Variants in PIK3R3 observed in about 807,000 individuals in gnomAD.
The protein encoded by PIK3R3 is phosphoinositide-3-kinase regulatory subunit 3, also known as phosphatidylinositol 3-kinase regulatory subunit gamma.
Under a neutral mutation model 62.9 loss-of-function variants are expected in PIK3R3, and 64 were observed. That is an observed-to-expected ratio of 1.02 (90% CI 0.83 to 1.25). PIK3R3 has a LOEUF of 1.25. Ranked by LOEUF, PIK3R3 falls within the 50% of genes most tolerant of loss-of-function variation. The pLI is 0.00. For synonymous variants in PIK3R3, 165 were observed against 189.0 expected (o/e 0.87, Z 1.04); for missense variants, 614 against 561.6 (o/e 1.09, Z -0.94).
At chr1:46,119,690 C>T (rs780702896) in intron 1 of PIK3R3, among the ~76,000 whole-genome samples, 131 of 151,788 alleles carry the variant, frequency 8.6e-4, no homozygotes, top group Non-Finnish European at 1.5e-3. Context: ...GGCTGATCTC[C>T]AACTCTTGGT....
chr1:46,068,265 T>C (rs1649186292), intron 3 of PIK3R3, among the ~76,000 whole-genome samples: 1 of 152,218 alleles, frequency 6.6e-6, no homozygotes, highest in Non-Finnish European at 1.5e-5. Flanking sequence ...CAAGCTGGCC[T>C]CTCTGTTAAA....
At chr1:46,126,606 C>T (rs72677553) in intron 1 of PIK3R3, among the ~76,000 whole-genome samples, 31,104 of 151,054 alleles carry the variant, frequency 0.21, 3,660 homozygotes, top group Non-Finnish European at 0.26. Context: ...CCATTCTTCC[C>T]ACTAACTCTT....
In PIK3R3 at chr1:46,080,746, A is replaced by G; in HGVS notation, c.111T>C (p.Leu37=). ...TCATTGGCTTAGGTGGCTTTGGTGG[A>G]AGAGCTAGAAGAGAAATGAATATTA... ...IFYIEMDPPA[L]PPKPPKPMTS... Residue 37 remains leucine, a synonymous_variant, in exon 2 of 10, where the codon CTT becomes CTC. Transcript: ENST00000262741. 1 of 1,595,984 alleles carries G rather than the reference A, an allele frequency of 6.3e-7. No homozygotes were observed. The highest frequency in any genetic ancestry group is 1.1e-5 in the South Asian group (1 of 90,688).
chr1:46,072,977 ATT>A (rs1199601548), intron 3 of PIK3R3, among the ~76,000 whole-genome samples: 3 of 139,374 alleles, frequency 2.2e-5, no homozygotes, highest in African/African-American at 5.3e-5. Context: ...ATATATATAT[ATT>A]AGGCATCCAT....
At chr1:46,150,831 A>G in the PIK3R3 span, among the ~76,000 whole-genome samples, 22 of 128,188 alleles carry the variant, frequency 1.7e-4, no homozygotes, top group African/African-American at 5.9e-4. Flanking sequence ...TTTTTGAGAC[A>G]GAGTTTTGTT....
the PIK3R3 span, among the ~76,000 whole-genome samples, chr1:46,163,395 G>A: frequency 6.6e-6 from 1 of 152,238 alleles, no homozygotes; most frequent in Non-Finnish European, 1.5e-5. Flanking sequence ...GCCAGAGACT[G>A]AGGTAGAAGT....
intron 1 of PIK3R3, among the ~76,000 whole-genome samples, chr1:46,118,609 G>A (rs1206278564): frequency 7.2e-6 from 1 of 138,768 alleles, no homozygotes; most frequent in Non-Finnish European, 1.5e-5. Flanking sequence ...AGGCTGGAAT[G>A]CAGTGGCACG....
At chr1:46,147,807 G>A in the PIK3R3 span, among the ~76,000 whole-genome samples, 5 of 152,052 alleles carry the variant, frequency 3.3e-5, no homozygotes, top group Non-Finnish European at 5.9e-5. Context: ...TCGCTCTTCC[G>A]CACTTTTCTA....
intron 1 of PIK3R3, among the ~76,000 whole-genome samples, chr1:46,097,769 A>T (rs1216829683): frequency 6.6e-6 from 1 of 151,880 alleles, no homozygotes; most frequent in Non-Finnish European, 1.5e-5. Flanking sequence ...GACGCCTGTA[A>T]TCCCAGCTAC....
At chr1:46,157,374 G>A in the PIK3R3 span, among the ~76,000 whole-genome samples, 3 of 152,100 alleles carry the variant, frequency 2.0e-5, no homozygotes, top group African/African-American at 7.2e-5. Flanking sequence ...CTCAAGCAAC[G>A]TGCCCACCTC....
At chr1:46,053,943 A>G (rs1216136753) in intron 7 of PIK3R3, among the ~76,000 whole-genome samples, 1 of 152,114 alleles carries the variant, frequency 6.6e-6, no homozygotes, top group Non-Finnish European at 1.5e-5. Context: ...CCATTTACAG[A>G]TAAGAGCACC....
intron 1 of PIK3R3, among the ~76,000 whole-genome samples, chr1:46,113,125 T>A (rs1165427369): frequency 6.6e-6 from 1 of 152,052 alleles, no homozygotes; most frequent in Non-Finnish European, 1.5e-5. Context: ...TCTCCTCCAA[T>A]CTATTTTTTA....
chr1:46,128,850 G>A (rs1179503193), intron 1 of PIK3R3, among the ~76,000 whole-genome samples: 4 of 152,192 alleles, frequency 2.6e-5, no homozygotes, highest in African/African-American at 7.2e-5. Flanking sequence ...GGAGGCCGAG[G>A]CAGGCAGATC....
At chr1:46,101,830 T>C (rs1033392781) in intron 1 of PIK3R3, among the ~76,000 whole-genome samples, 1 of 152,202 alleles carries the variant, frequency 6.6e-6, no homozygotes, top group Non-Finnish European at 1.5e-5. Context: ...AGTTTCTATA[T>C]GGAAGATGAA....
chr1:46,047,054 CA>C (rs1326444665), intron 7 of PIK3R3: 1 of 162,634 alleles, frequency 6.1e-6, no homozygotes, highest in Admixed American at 6.4e-5. Context: ...CTAAAAACTT[CA>C]AGATCTATTT....
At chr1:46,077,711 G>A (rs577783670) in intron 2 of PIK3R3, 98 bp from the exon 3 acceptor site, 28 of 717,108 alleles carry the variant, frequency 3.9e-5, no homozygotes, top group South Asian at 2.2e-4. Context: ...AGGCAGCTTC[G>A]GCAGTAGGTG....
intron 3 of PIK3R3, among the ~76,000 whole-genome samples, chr1:46,071,712 A>AAAAAAAAAAAAAAAAAAT (rs1472807815): frequency 2.0e-4 from 5 of 24,654 alleles, no homozygotes; most frequent in African/African-American, 6.2e-4. Context: ...AAAAAAAAAA[A>AAAAAAAAAAAAAAAAAAT]ATATATATAT....
At chr1:46,075,240 C>T (rs199599082) in intron 3 of PIK3R3, among the ~76,000 whole-genome samples, 16 of 152,176 alleles carry the variant, frequency 1.1e-4, no homozygotes, top group Non-Finnish European at 1.8e-4. Context: ...GAAGTAGGGT[C>T]CTTAGCATTT....
chr1:46,069,296 G>A (rs909916575), intron 3 of PIK3R3, among the ~76,000 whole-genome samples: 2 of 152,166 alleles, frequency 1.3e-5, no homozygotes, highest in Non-Finnish European at 2.9e-5. Context: ...AAGGCAGGCA[G>A]ATCACTTGAA....
Sources: allele counts gnomAD v4.1 joint callset (sites outside exome capture counted in the v4.1 genomes callset), GRCh38; gene constraint gnomAD v4.1.1; transcripts MANE v1.5; gene names NCBI Gene and HGNC (gene_info 2026-07-23, HGNC 2026-07-21).